The following DLGAP3 variants were observed in gnomAD, a reference collection of about 807,000 sequenced individuals.
DLGAP3 encodes DLG associated protein 3.
Under a neutral mutation model 81.2 loss-of-function variants are expected in DLGAP3, and 17 were observed. The observed-to-expected ratio is 0.21, with a 90% CI of 0.14 to 0.31. DLGAP3 has a LOEUF of 0.31. Among genes scored for constraint, DLGAP3 ranks in the 10% least tolerant of loss-of-function variants. DLGAP3 has a pLI of 1.00. For synonymous variants in DLGAP3, 577 were observed against 587.4 expected, an observed-to-expected ratio of 0.98 and a Z score of 0.26; for missense variants, 1,124 against 1,388.0, an observed-to-expected ratio of 0.81 and a Z score of 3.02.
At chr1:34,878,842 G>A (rs1569605186) in intron 8 of DLGAP3, among the ~76,000 whole-genome samples, 1 of 152,138 alleles carries the variant, frequency 6.6e-6, no homozygotes. Flanking sequence ...AGGCCGAGGC[G>A]GGCGGATCAC....
intron 8 of DLGAP3, among the ~76,000 whole-genome samples, chr1:34,883,580 T>C (rs1431617700): frequency 1.3e-5 from 2 of 152,202 alleles, no homozygotes; most frequent in African/African-American, 2.4e-5. Flanking sequence ...AGTCACAGAT[T>C]TGCAAATTGG....
chr1:34,889,512 G>A (rs900254718), intron 5 of DLGAP3, among the ~76,000 whole-genome samples: 1 of 152,170 alleles, frequency 6.6e-6, no homozygotes, highest in Non-Finnish European at 1.5e-5. Context: ...AATCCTCTTG[G>A]GATGAGATCC....
At position 34,865,894 on chromosome 1, in the gene DLGAP3, C is replaced by T. The variant is rs1326894229; in HGVS notation, c.*189G>A. The T allele has an allele frequency of 1.9e-5, 13 of 682,158 alleles. No homozygotes were observed. Among genetic ancestry groups the T allele is most frequent in the Non-Finnish European group, 3.2e-5 (12 of 380,348 alleles). The allele number at this position is 682,158 out of a possible 1,614,324, so 42.3% of individuals were successfully genotyped here. On this transcript the variant is annotated 3_prime_UTR_variant, in exon 12 of 12. Coordinates refer to ENST00000373347, the MANE Select transcript of DLGAP3 (RefSeq NM_001080418.3). ...CGGAGAGGCACGGCCCCCTGCCCAG[C>T]CCGGGCGCCTTCGCGTGGGATCAGG...
intron 5 of DLGAP3, among the ~76,000 whole-genome samples, chr1:34,898,587 AT>A (rs1241934579): frequency 6.6e-6 from 1 of 152,162 alleles, no homozygotes; most frequent in Non-Finnish European, 1.5e-5. Flanking sequence ...TTTGCATTGC[AT>A]TTTTTCCCCA....
intron 1 of DLGAP3, among the ~76,000 whole-genome samples, chr1:34,918,946 T>G (rs1421959779): frequency 2.0e-5 from 3 of 152,114 alleles, no homozygotes; most frequent in African/African-American, 4.8e-5. Context: ...GAAGAGCCCC[T>G]CCCATCCTCG....
intron 8 of DLGAP3, among the ~76,000 whole-genome samples, chr1:34,872,093 C>T (rs1314987859): frequency 1.3e-5 from 2 of 152,252 alleles, no homozygotes; most frequent in East Asian, 1.9e-4. Flanking sequence ...CGGGAGAACA[C>T]GGACATTTCA....
intron 1 of DLGAP3, among the ~76,000 whole-genome samples, chr1:34,922,252 G>A (rs1357959086): frequency 2.6e-5 from 4 of 152,176 alleles, no homozygotes; most frequent in Admixed American, 6.5e-5. Context: ...GGCTCCCAAG[G>A]ACATAAGAAT....
intron 1 of DLGAP3, among the ~76,000 whole-genome samples, chr1:34,915,846 C>A (rs1286072021): frequency 6.6e-6 from 1 of 152,192 alleles, no homozygotes; most frequent in African/African-American, 2.4e-5. Flanking sequence ...GACTGCAAAA[C>A]CCCTGTCCTC....
At position 34,905,418 on chromosome 1, in the gene DLGAP3, C is replaced by G. The variant is rs913279796; in HGVS notation, c.-35G>C. On this transcript the variant is annotated 5_prime_UTR_variant, in exon 3 of 12. Coordinates refer to ENST00000373347, the MANE Select transcript of DLGAP3 (RefSeq NM_001080418.3). The stretch of plus-strand genomic sequence containing the variant: ...AAAGGCTCTTCATAGTCTTGGGGGC[C>G]AGGCCCCAGGAACCTCCTGGAAAAA... The G allele has an allele frequency of 5.9e-6, 9 of 1,528,448 alleles. No homozygotes were observed. The highest frequency in any genetic ancestry group is 4.4e-6 in the Non-Finnish European group (5 of 1,135,700). 94.7% of individuals were successfully genotyped at this position (1,528,448 alleles called of 1,614,324 possible). A position where few individuals can be genotyped will look rare whatever the true frequency, so the allele number is the denominator to read the frequency against.
rs1011361136 is a variant in DLGAP3, at chr1:34,902,269, A to AG, written c.1108-1997dup. Reference sequence around the variant, plus strand: ...ACGCCTCAGGGACAGCATAGGGTTCAGGGGAAAGGTGGAGACTCTGGGGAT... The same window carrying AG: ...ACGCCTCAGGGACAGCATAGGGTTCAGGGGGAAAGGTGGAGACTCTGGGGAT... On this transcript the variant is annotated intron_variant, in intron 3 of 11. Coordinates refer to ENST00000373347, the MANE Select transcript of DLGAP3 (RefSeq NM_001080418.3). The surrounding 1 kb of genome is among the most constrained non-coding windows in gnomAD (Gnocchi z 4.4). Among the ~76,000 whole-genome samples the AG allele has an allele frequency of 4.6e-5, 7 of 152,100 alleles. No individual in the cohort carries two copies. The highest frequency in any genetic ancestry group is 1.7e-4 in the African/African-American group (7 of 41,410).
In DLGAP3 at chr1:34,895,211, C is replaced by CA. The variant is rs1448566145; in HGVS notation, c.1386+4457dup. Reference sequence around the variant, plus strand: ...TGAAACCCCGTCTGTACTAAAAATACAAAAAAATTAGCCAGGCGTGGTGGC... The same window carrying CA: ...TGAAACCCCGTCTGTACTAAAAATACAAAAAAAATTAGCCAGGCGTGGTGGC... On this transcript the variant is annotated intron_variant, in intron 5 of 11. Transcript: ENST00000373347. This position sits in a 1 kb window ranked among gnomAD's most constrained non-coding sequence, Gnocchi z 4.5. 1.3e-5 allele frequency among the ~76,000 whole-genome samples: 2 copies of CA among 151,522 alleles called. No homozygotes were observed. The highest frequency in any genetic ancestry group is 4.8e-5 in the African/African-American group (2 of 41,266).
chr1:34,885,129 C>G lies in DLGAP3; in HGVS notation c.1915-66G>C, dbSNP rs1408215515. ...AGGTGAAAGCCCTTCCCGGGGAGAA[C>G]GGCTAGCAATGGCTGCGCCCCAAGC... is the stretch of plus-strand genomic sequence containing the variant. On this transcript the variant is annotated intron_variant, in intron 7 of 11. Transcript: ENST00000373347. 7 of 1,459,366 alleles carry G rather than the reference C, an allele frequency of 4.8e-6. No homozygotes were observed. In the African/African-American group the frequency reaches 8.3e-5, roughly 17 times the overall value. The allele number at this position is 1,459,366 out of a possible 1,614,324, so 90.4% of individuals were successfully genotyped here.
At chr1:34,901,414 A>G (rs1225259479) in intron 3 of DLGAP3, among the ~76,000 whole-genome samples, 2 of 152,340 alleles carry the variant, frequency 1.3e-5, no homozygotes, top group Middle Eastern at 3.4e-3. Flanking sequence ...GTCAAATGCC[A>G]CAGTGCGTTC....
At chr1:34,887,914 C>A (rs1390374883) in intron 5 of DLGAP3, among the ~76,000 whole-genome samples, 2 of 152,192 alleles carry the variant, frequency 1.3e-5, no homozygotes, top group Admixed American at 6.5e-5. Flanking sequence ...AGTAAGCCCT[C>A]GGCTAGCGGC....
Position 34,904,518 on chromosome 1 carries a change from A to G in DLGAP3, c.866T>C (p.Leu289Pro), listed in dbSNP as rs1476436871. 1.2e-6 allele frequency: 2 copies of G among 1,614,188 alleles called. No individual in the cohort carries two copies. The highest frequency in any genetic ancestry group is 2.2e-5 in the South Asian group (2 of 91,090). ...CCGGTAGGACCCATCTGGACCCTCC[A>G]GGCAGAAGGGACCACCAGGCTCCCC... ...PPGEPGGPFC[L>P]EGPDGSYRDL... The change falls in exon 3 of 12, where the codon CTG becomes CCG. Residue 289 changes from leucine (L) to proline (P), a missense_variant. Coordinates refer to ENST00000373347, the MANE Select transcript of DLGAP3 (RefSeq NM_001080418.3). This position sits in a 1 kb window ranked among gnomAD's most constrained non-coding sequence, Gnocchi z 8.1.
intron 1 of DLGAP3, among the ~76,000 whole-genome samples, chr1:34,919,163 C>G (rs1639763740): frequency 6.6e-6 from 1 of 152,138 alleles, no homozygotes. Flanking sequence ...GCAAGAGGCC[C>G]CCCTTCACCC....
At chr1:34,877,917 TTTTA>T (rs1639082512) in intron 8 of DLGAP3, among the ~76,000 whole-genome samples, 1 of 152,160 alleles carries the variant, frequency 6.6e-6, no homozygotes, top group Non-Finnish European at 1.5e-5. Flanking sequence ...ACTAGAAAAT[TTTTA>T]AACAGATGAT....
chr1:34,868,761 G>A lies in DLGAP3; in HGVS notation c.2329C>T (p.Arg777Cys), dbSNP rs372616310. The change falls in exon 9 of 12, where the codon CGC (arginine) becomes TGC (cysteine). Residue 777 changes from arginine (R) to cysteine (C), a missense_variant. Physicochemically the swap from Arg to Cys is radical, Grantham distance 180. Around this residue, in one of 9 missense-constraint regions of DLGAP3, gnomAD observed 379 missense variants for 455.7 expected, o/e 0.83. Coordinates refer to ENST00000373347, the MANE Select transcript of DLGAP3 (RefSeq NM_001080418.3). This position sits in a 1 kb window ranked among gnomAD's most constrained non-coding sequence, Gnocchi z 7.5. ...GAGTCGGGGAGGCTACGTGAACCGC[G>A]CTCTATCCAGGAGTCACGGCGGCCG... ...GAGRRDSWIE[R>C]GSRSLPDSGR... The A allele has an allele frequency of 3.5e-5, 56 of 1,605,478 alleles. No homozygotes were observed. The highest frequency in any genetic ancestry group is 1.6e-4 in the Middle Eastern group (1 of 6,070).
chr1:34,867,771 C>T lies in DLGAP3; in HGVS notation c.2486-144G>A. On this transcript the variant is annotated intron_variant, in intron 9 of 11. Coordinates refer to ENST00000373347, the MANE Select transcript of DLGAP3 (RefSeq NM_001080418.3). The surrounding 1 kb of genome is among the most constrained non-coding windows in gnomAD (Gnocchi z 4.3). ...TCCTCCAGCCCCAGCCCCATCCCATCCTCAAGTTCCTAACAAGTTCTCGCT... is the reference window on the plus strand; with the variant it reads ...TCCTCCAGCCCCAGCCCCATCCCATTCTCAAGTTCCTAACAAGTTCTCGCT... 1.4e-6 allele frequency: 1 copy of T among 721,978 alleles called. No individual in the cohort carries two copies. Among genetic ancestry groups the T allele is most frequent in the Non-Finnish European group, 2.5e-6 (1 of 401,594 alleles). 44.7% of individuals were successfully genotyped at this position (721,978 alleles called of 1,614,324 possible).
Sources: gnomAD v4.1 joint callset for allele counts (sites outside exome capture counted in the v4.1 genomes callset) on GRCh38, gnomAD v4.1.1 for gene constraint, gnomAD v4.1.1 regional missense constraint, Gnocchi (gnomAD v3.1) non-coding constraint, MANE v1.5 for transcripts, NCBI Gene and HGNC (gene_info 2026-07-23, HGNC 2026-07-21) for gene names.